RB1CC1: variants seen among roughly 807,000 people sequenced by gnomAD.
The protein encoded by RB1CC1 is RB1 inducible coiled-coil 1.
In RB1CC1, 46 loss-of-function variants were observed where a neutral mutation model predicts 177.5. The observed-to-expected ratio is 0.26, with a 90% CI of 0.20 to 0.33. The LOEUF (loss-of-function observed/expected upper bound fraction) is 0.33. RB1CC1 is among the 10% of genes least tolerant of loss of function. The pLI, the probability that RB1CC1 is intolerant of heterozygous loss-of-function variation, is 1.00. For missense variants in RB1CC1, 1,703 were observed against 1,816.3 expected, an observed-to-expected ratio of 0.94 and a Z score of 1.13; for synonymous variants, 666 against 613.6, an observed-to-expected ratio of 1.09 and a Z score of -1.26.
rs766054815 is a variant in RB1CC1, at chr8:52,656,078, A to G, written c.3751T>C (p.Leu1251=). 2 of 1,613,384 alleles carry G rather than the reference A, an allele frequency of 1.2e-6. No individual in the cohort carries two copies. Among genetic ancestry groups the G allele is most frequent in the Non-Finnish European group, 1.7e-6 (2 of 1,179,778 alleles). Residue 1251 remains leucine, a synonymous_variant, in exon 15 of 24, where the codon TTG becomes CTG. Coordinates refer to ENST00000025008, the MANE Select transcript of RB1CC1 (RefSeq NM_014781.5). ...TCTTTCTCAACAACTTCTCTCTCCAATTTAAATTCTTTTAGGGCAGTCTGA... is the reference window on the plus strand; with the variant it reads ...TCTTTCTCAACAACTTCTCTCTCCAGTTTAAATTCTTTTAGGGCAGTCTGA... ...AIQTALKEFK[L]EREVVEKELL...
intron 15 of RB1CC1, among the ~76,000 whole-genome samples, chr8:52,655,344 A>C (rs1850997197): frequency 6.6e-6 from 1 of 152,190 alleles, no homozygotes; most frequent in Admixed American, 6.5e-5. Flanking sequence ...ATGTTCTAGA[A>C]ACTGTTTACT....
intron 1 of RB1CC1, among the ~76,000 whole-genome samples, chr8:52,697,295 T>TA (rs35428453): frequency 0.012 from 1,043 of 87,906 alleles, 6 homozygotes; most frequent in African/African-American, 0.021. Context: ...AAATGGTTAC[T>TA]AAAAAAAAAA....
Position 52,636,037 on chromosome 8 carries a change from T to C in RB1CC1, c.4370A>G (p.Gln1457Arg). The change falls in exon 19 of 24, where the codon CAG becomes CGG. Residue 1457 changes from glutamine (Q) to arginine (R), a missense_variant. Gln to Arg is a conservative substitution (Grantham distance 43). Coordinates refer to ENST00000025008, the MANE Select transcript of RB1CC1 (RefSeq NM_014781.5). ...ENIHMLSEEK[Q>R]RIMLLERTLQ... ...TACTCGTTCTAACAGCATTATCCGCTGTTTTTCTTCAGACAACATATGAAT... is the reference window on the plus strand; with the variant it reads ...TACTCGTTCTAACAGCATTATCCGCCGTTTTTCTTCAGACAACATATGAAT... 1 of 1,607,882 alleles carries C rather than the reference T, an allele frequency of 6.2e-7. No individual in the cohort carries two copies. The highest frequency in any genetic ancestry group is 2.2e-5 in the East Asian group (1 of 44,600).
At chr8:52,690,721 T>C (rs1854777112) in intron 1 of RB1CC1, among the ~76,000 whole-genome samples, 1 of 152,216 alleles carries the variant, frequency 6.6e-6, no homozygotes, top group Admixed American at 6.5e-5. Context: ...TGTTTTGATA[T>C]AATTCCAGTT....
intron 1 of RB1CC1, among the ~76,000 whole-genome samples, chr8:52,698,273 T>G (rs1267121583): frequency 6.6e-6 from 1 of 152,088 alleles, no homozygotes; most frequent in Non-Finnish European, 1.5e-5. Context: ...GAGACGGCGT[T>G]TCTCCATGTT....
intron 20 of RB1CC1, among the ~76,000 whole-genome samples, 161 bp downstream of exon 20, chr8:52,634,760 T>C (rs995252701): frequency 1.3e-5 from 2 of 152,138 alleles, no homozygotes; most frequent in Non-Finnish European, 2.9e-5. Flanking sequence ...GACTTCAGCA[T>C]TCTGAAAATC....
intron 16 of RB1CC1, among the ~76,000 whole-genome samples, chr8:52,644,477 G>C (rs1365343751): frequency 6.6e-6 from 1 of 152,160 alleles, no homozygotes; most frequent in Non-Finnish European, 1.5e-5. Flanking sequence ...GAGATAAAGA[G>C]ATCAATATGC....
chr8:52,647,667 G>C (rs1232923423), intron 15 of RB1CC1, among the ~76,000 whole-genome samples: 1 of 152,002 alleles, frequency 6.6e-6, no homozygotes, highest in African/African-American at 2.4e-5. Context: ...GAAACTTTTA[G>C]GAATAAAAAA....
chr8:52,626,242 C>CG (rs1489133693), intron 22 of RB1CC1, among the ~76,000 whole-genome samples: 1 of 152,080 alleles, frequency 6.6e-6, no homozygotes, highest in South Asian at 2.1e-4. Flanking sequence ...AAAAAAGGAA[C>CG]GGGGGTTTAT....
intron 13 of RB1CC1, 77 bp from the exon 14 acceptor site, chr8:52,658,201 A>G: frequency 7.2e-7 from 1 of 1,396,460 alleles, no homozygotes; most frequent in South Asian, 1.3e-5. Context: ...ATATTTTAAT[A>G]TGTCAAAAAT....
chr8:52,665,699 G>A (rs1852009839), intron 8 of RB1CC1, among the ~76,000 whole-genome samples: 1 of 152,148 alleles, frequency 6.6e-6, no homozygotes, highest in Non-Finnish European at 1.5e-5. Flanking sequence ...AGCTCCCTGT[G>A]GCTCTAGGAA....
At chr8:52,670,259 A>G (rs1283585580) in intron 7 of RB1CC1, among the ~76,000 whole-genome samples, 2 of 152,236 alleles carry the variant, frequency 1.3e-5, no homozygotes, top group African/African-American at 2.4e-5. Flanking sequence ...ACTGCACTTA[A>G]TATTTTATTC....
intron 8 of RB1CC1, 70 bp downstream of exon 8, chr8:52,667,951 T>C: frequency 1.2e-5 from 17 of 1,440,260 alleles, no homozygotes; most frequent in Non-Finnish European, 1.6e-5. Flanking sequence ...ACCAAATTGA[T>C]ACTGCATATA....
rs528145146 is a variant in RB1CC1, at chr8:52,702,533, T to C, written c.-167+11542A>G. Among the ~76,000 whole-genome samples the C allele has an allele frequency of 2.0e-3, 298 of 152,144 alleles. 1 individual carries two copies. The highest frequency in any genetic ancestry group is 3.4e-3 in the Middle Eastern group (1 of 294). On this transcript the variant is annotated intron_variant, in intron 1 of 23. Transcript: ENST00000025008. ...GGAGTTCGAGACTGCCTGGCCAACATGGTGAAACCCCATCTCTACTGAAAA... is the reference window on the plus strand; with the variant it reads ...GGAGTTCGAGACTGCCTGGCCAACACGGTGAAACCCCATCTCTACTGAAAA...
At chr8:52,683,470 T>C (rs1853954098) in intron 5 of RB1CC1, 79 bp downstream of exon 5, 7 of 1,243,434 alleles carry the variant, frequency 5.6e-6, no homozygotes, top group South Asian at 2.4e-5. Context: ...GCATACTTCC[T>C]ATGCAATTTA....
At chr8:52,675,714 C>CAAAAAAAAAAA (rs1306544323) in intron 6 of RB1CC1, among the ~76,000 whole-genome samples, 2 of 61,272 alleles carry the variant, frequency 3.3e-5, no homozygotes, top group African/African-American at 6.9e-5. Context: ...ACTAAAAATC[C>CAAAAAAAAAAA]AAAAAAAAAA....
intron 1 of RB1CC1, among the ~76,000 whole-genome samples, chr8:52,697,858 T>C (rs1855585149): frequency 6.6e-6 from 1 of 152,232 alleles, no homozygotes; most frequent in Non-Finnish European, 1.5e-5. Flanking sequence ...CTGGTGTTTG[T>C]AGAGGTAGGT....
At chr8:52,660,144 TTCCAGTGAAG>T (rs1851481018) in intron 12 of RB1CC1, among the ~76,000 whole-genome samples, 1 of 152,180 alleles carries the variant, frequency 6.6e-6, no homozygotes, top group South Asian at 2.1e-4. Context: ...TAACGTTTAA[TTCCAGTGAAG>T]TCTAACTGAG....
chr8:52,697,168 T>C (rs563723056), intron 1 of RB1CC1, among the ~76,000 whole-genome samples: 1 of 152,112 alleles, frequency 6.6e-6, no homozygotes, highest in Admixed American at 6.6e-5. Flanking sequence ...CAACTATATG[T>C]ACCTACGGTT....
Sources: allele counts gnomAD v4.1 joint callset (sites outside exome capture counted in the v4.1 genomes callset), GRCh38; gene constraint gnomAD v4.1.1; transcripts MANE v1.5; gene names NCBI Gene and HGNC (gene_info 2026-07-23, HGNC 2026-07-21).